Variants in MGAT4C observed in about 807,000 individuals in gnomAD.
MGAT4C encodes the protein MGAT4 family member C.
A neutral mutation model predicts 40.1 loss-of-function variants in MGAT4C; 19 were observed. That is an observed-to-expected ratio of 0.47 (90% CI 0.33 to 0.70). The LOEUF (loss-of-function observed/expected upper bound fraction) is 0.70. Ranked by LOEUF, MGAT4C falls within the 30% of genes least tolerant of loss-of-function variation. MGAT4C has a pLI of 0.02. For synonymous variants in MGAT4C, 181 were observed against 187.1 expected, an observed-to-expected ratio of 0.97 and a Z score of 0.27; for missense variants, 491 against 563.2, an observed-to-expected ratio of 0.87 and a Z score of 1.30.
chr12:86,630,280 A>G (rs967003369), intron 2 of MGAT4C, among the ~76,000 whole-genome samples: 4 of 152,136 alleles, frequency 2.6e-5, no homozygotes, highest in African/African-American at 9.7e-5. Context: ...CAACCAAAAA[A>G]AGTCCAGGAC....
Position 86,376,830 on chromosome 12 carries a change from G to GAC in MGAT4C, c.-119-42704_-119-42703insGT, listed in dbSNP as rs199737887. On this transcript the variant is annotated intron_variant, in intron 3 of 7. Transcript: ENST00000548651. ...AGAGAGAGAGAGACAGAGAGAGAGA[G>GAC]AGAGAGAGAGAGACAGAGAGAGAGA... Among the ~76,000 whole-genome samples, 453 of 115,942 alleles carry GAC rather than the reference G, an allele frequency of 3.9e-3. 2 individuals carry two copies. Among genetic ancestry groups the GAC allele is most frequent in the Middle Eastern group, 0.014 (3 of 216 alleles). The allele number at this position is 115,942 out of a possible 152,430, so 76.1% of individuals were successfully genotyped here. A position where few individuals can be genotyped will look rare whatever the true frequency, so the allele number is the denominator to read the frequency against.
At chr12:86,763,640 T>A (rs1349593222) in intron 1 of MGAT4C, among the ~76,000 whole-genome samples, 3 of 152,194 alleles carry the variant, frequency 2.0e-5, no homozygotes, top group Admixed American at 2.0e-4. Context: ...TGCACATTAT[T>A]TTGAGCATTT....
chr12:86,157,939 T>C (rs987170907), intron 1 of MGAT4C, among the ~76,000 whole-genome samples: 4 of 152,242 alleles, frequency 2.6e-5, no homozygotes, highest in South Asian at 2.1e-4. Context: ...CTATGACTTA[T>C]ACAATTCAGT....
At chr12:86,345,305 A>C (rs1489181070) in intron 3 of MGAT4C, among the ~76,000 whole-genome samples, 2 of 151,784 alleles carry the variant, frequency 1.3e-5, no homozygotes, top group African/African-American at 2.4e-5. Context: ...TTTAAGTTTT[A>C]GGGTACATGT....
intron 1 of MGAT4C, among the ~76,000 whole-genome samples, chr12:86,070,092 T>G: frequency 6.6e-6 from 1 of 151,640 alleles, no homozygotes; most frequent in Admixed American, 6.6e-5. Flanking sequence ...GCATTGGATT[T>G]TTTTTTTTTT....
At chr12:86,625,172 G>A (rs908019235) in intron 2 of MGAT4C, among the ~76,000 whole-genome samples, 1 of 151,930 alleles carries the variant, frequency 6.6e-6, no homozygotes, top group African/African-American at 2.4e-5. Flanking sequence ...TGCTCTCTCT[G>A]CTCTCTCTCC....
intron 2 of MGAT4C, among the ~76,000 whole-genome samples, chr12:86,530,873 C>T (rs886770021): frequency 5.9e-5 from 9 of 151,912 alleles, no homozygotes; most frequent in African/African-American, 2.2e-4. Context: ...CTATTATGTA[C>T]CATATATACA....
intron 4 of MGAT4C, among the ~76,000 whole-genome samples, chr12:86,302,025 A>C (rs764643069): frequency 6.9e-6 from 1 of 144,914 alleles, no homozygotes; most frequent in Non-Finnish European, 1.5e-5. Context: ...AATCTATTTT[A>C]ATTACTTATG....
intron 3 of MGAT4C, among the ~76,000 whole-genome samples, chr12:86,377,687 T>C (rs530819813): frequency 6.6e-6 from 1 of 152,322 alleles, no homozygotes; most frequent in South Asian, 2.1e-4. Context: ...ATATTTTTAA[T>C]GTTGTACAAT....
intron 3 of MGAT4C, among the ~76,000 whole-genome samples, chr12:86,420,945 A>T (rs1956815764): frequency 6.6e-6 from 1 of 151,670 alleles, no homozygotes; most frequent in Admixed American, 6.6e-5. Flanking sequence ...GTGTATATAT[A>T]TACTTTTTCT....
At chr12:86,774,299 C>CTTTT (rs142126894) in intron 1 of MGAT4C, among the ~76,000 whole-genome samples, 7 of 78,314 alleles carry the variant, frequency 8.9e-5, no homozygotes, top group Non-Finnish European at 5.4e-5. Context: ...TTCTTTCTTT[C>CTTTT]TTTCTTTCTT....
intron 1 of MGAT4C, among the ~76,000 whole-genome samples, chr12:86,812,596 G>A (rs1326165292): frequency 6.6e-6 from 1 of 151,810 alleles, no homozygotes; most frequent in Non-Finnish European, 1.5e-5. Context: ...ACTTTATTAG[G>A]CCGTATATAT....
intron 2 of MGAT4C, among the ~76,000 whole-genome samples, chr12:86,664,885 C>T (rs1964065846): frequency 6.6e-6 from 1 of 152,064 alleles, no homozygotes; most frequent in Admixed American, 6.5e-5. Flanking sequence ...GAATCAGACA[C>T]ATTATTCAAC....
intron 4 of MGAT4C, among the ~76,000 whole-genome samples, chr12:85,983,310 C>T (rs539753297): frequency 1.1e-4 from 16 of 152,174 alleles, no homozygotes; most frequent in East Asian, 1.9e-4. Context: ...ACTCACATTA[C>T]GATTAGGCAT....
chr12:86,073,188 T>C (rs1158617638), intron 1 of MGAT4C, among the ~76,000 whole-genome samples: 1 of 152,196 alleles, frequency 6.6e-6, no homozygotes, highest in Non-Finnish European at 1.5e-5. Context: ...CCCCTTTCAC[T>C]TGGTTCTCAG....
At chr12:86,626,658 T>A (rs982012040) in intron 2 of MGAT4C, among the ~76,000 whole-genome samples, 1 of 152,216 alleles carries the variant, frequency 6.6e-6, no homozygotes, top group Non-Finnish European at 1.5e-5. Flanking sequence ...ATTATTAAGA[T>A]TATGGATACT....
At chr12:86,065,430 A>G (rs867011759) in intron 1 of MGAT4C, among the ~76,000 whole-genome samples, 41 of 152,328 alleles carry the variant, frequency 2.7e-4, no homozygotes, top group Middle Eastern at 3.4e-3. Context: ...ATTATAATCC[A>G]TCACATAAAC....
rs546849301 is a variant in MGAT4C, at chr12:86,760,540, GAACA to G, written c.-261-33303_-261-33300del. Among the ~76,000 whole-genome samples, 972 of 151,612 alleles carry G rather than the reference GAACA, an allele frequency of 6.4e-3. 5 individuals carry two copies. The highest frequency in any genetic ancestry group is 0.014 in the Middle Eastern group (4 of 294). On this transcript the variant is annotated intron_variant, in intron 1 of 7. Coordinates refer to the MGAT4C transcript ENST00000548651. ...TATTGCCTGAAACAACCTAAGAAAA[GAACA>G]AACAAACAAAAAATGTATACACAAT...
At chr12:86,526,836 T>C (rs1431277659) in intron 2 of MGAT4C, among the ~76,000 whole-genome samples, 7 of 152,158 alleles carry the variant, frequency 4.6e-5, no homozygotes, top group Non-Finnish European at 8.8e-5. Flanking sequence ...CAGCTCTCCC[T>C]GCCAACTCGA....
Sources: allele counts gnomAD v4.1 joint callset (sites outside exome capture counted in the v4.1 genomes callset), GRCh38; gene constraint gnomAD v4.1.1; transcripts MANE v1.5; gene names NCBI Gene and HGNC (gene_info 2026-07-23, HGNC 2026-07-21).